Variants in TIAM1 observed in about 807,000 individuals in gnomAD.
The protein encoded by TIAM1 is TIAM Rac1 associated GEF 1.
Under a neutral mutation model 163.5 loss-of-function variants are expected in TIAM1, and 65 were observed. The ratio of observed to expected loss-of-function variants is 0.40; its 90% CI spans 0.33 to 0.49. The LOEUF is 0.49. Among genes scored for constraint, TIAM1 ranks in the 20% least tolerant of loss-of-function variants. TIAM1 has a pLI of 0.77. For missense variants in TIAM1, 1,789 were observed against 2,044.7 expected (o/e 0.87, Z 2.41); for synonymous variants, 833 against 810.1 (o/e 1.03, Z -0.48).
intron 15 of TIAM1, among the ~76,000 whole-genome samples, chr21:31,180,521 C>CTTTTCT (rs201566274): frequency 0.14 from 20,598 of 146,998 alleles, 1,633 homozygotes; most frequent in Admixed American, 0.23. Flanking sequence ...TTACCCACCT[C>CTTTTCT]TTTTTTTTTT....
At chr21:31,468,419 G>A (rs1379266781) in intron 1 of TIAM1, among the ~76,000 whole-genome samples, 1 of 151,306 alleles carries the variant, frequency 6.6e-6, no homozygotes, top group Non-Finnish European at 1.5e-5. Flanking sequence ...CAAGGTGGAG[G>A]TTTCAGTGAG....
At chr21:31,348,658 A>G (rs2833386), upstream of TIAM1, among the ~76,000 whole-genome samples, 22,815 of 152,214 alleles carry the variant, frequency 0.15, 1,773 homozygotes, top group Middle Eastern at 0.19. Flanking sequence ...ATATGGATCC[A>G]TCCCACACAC....
chr21:31,322,365 T>C (rs571668969), intron 2 of TIAM1, among the ~76,000 whole-genome samples: 2 of 150,534 alleles, frequency 1.3e-5, no homozygotes, highest in Admixed American at 1.3e-4. Flanking sequence ...CTAGCTCGTA[T>C]TCACAAAGGT....
intron 1 of TIAM1, among the ~76,000 whole-genome samples, chr21:31,499,409 A>C (rs1163116026): frequency 6.6e-6 from 1 of 151,848 alleles, no homozygotes; most frequent in African/African-American, 2.4e-5. Flanking sequence ...AAAATACCAA[A>C]AATTAGCCAG....
rs147275118 is a variant in TIAM1 at position 31,300,385 on chromosome 21, C to CA, written c.-188-23478dup. On this transcript the variant is annotated intron_variant, in intron 2 of 27. Coordinates refer to ENST00000541036, the MANE Select transcript of TIAM1 (RefSeq NM_001353694.2). ...ATGAGCCATAATAACTGGAATTTTT[C>CA]AAAAAAAATAAACAAGTATGGGAAA... Among the ~76,000 whole-genome samples, 1,086 of 151,702 alleles carry CA rather than the reference C, an allele frequency of 7.2e-3. 10 individuals are homozygous for CA. Among genetic ancestry groups the CA allele is most frequent in the African/African-American group, 0.024 (995 of 41,402 alleles).
At chr21:31,500,808 G>C (rs887616198) in intron 1 of TIAM1, among the ~76,000 whole-genome samples, 5 of 152,132 alleles carry the variant, frequency 3.3e-5, no homozygotes, top group African/African-American at 1.2e-4. Context: ...AACCTACCTG[G>C]CCGACATCTT....
intron 23 of TIAM1, among the ~76,000 whole-genome samples, chr21:31,131,218 G>C (rs1246912381): frequency 1.3e-5 from 2 of 152,132 alleles, no homozygotes; most frequent in Non-Finnish European, 2.9e-5. Flanking sequence ...AAATATGTTA[G>C]GTATGATACA....
At chr21:31,391,816 A>C (rs1048222764) in intron 2 of TIAM1, among the ~76,000 whole-genome samples, 3 of 152,198 alleles carry the variant, frequency 2.0e-5, no homozygotes, top group Non-Finnish European at 2.9e-5. Flanking sequence ...AACTTTTTTT[A>C]AAATTAAAAG....
chr21:31,433,613 GGATT>G (rs2044114745), intron 2 of TIAM1, among the ~76,000 whole-genome samples: 1 of 152,136 alleles, frequency 6.6e-6, no homozygotes, highest in Non-Finnish European at 1.5e-5. Context: ...ATTAAAAAAA[GGATT>G]GATCCCTTGG....
chr21:31,167,836 G>A (rs1235984596), intron 15 of TIAM1, among the ~76,000 whole-genome samples: 2 of 152,064 alleles, frequency 1.3e-5, no homozygotes, highest in African/African-American at 2.4e-5. Flanking sequence ...TGGAGCCTTC[G>A]GTTTTAACTG....
intron 2 of TIAM1, among the ~76,000 whole-genome samples, chr21:31,389,243 G>A (rs141433459): frequency 3.3e-4 from 50 of 151,756 alleles, no homozygotes; most frequent in African/African-American, 1.2e-3. Flanking sequence ...TGAGATGGAG[G>A]CTCTCTGTGT....
chr21:31,548,361 G>A (rs1245899494), intron 1 of TIAM1, among the ~76,000 whole-genome samples: 3 of 151,918 alleles, frequency 2.0e-5, no homozygotes, highest in South Asian at 4.2e-4. Context: ...GGCTGGTCTC[G>A]AACTCCTGAC....
chr21:31,268,926 A>G (rs1480066139), intron 3 of TIAM1, among the ~76,000 whole-genome samples: 1 of 152,208 alleles, frequency 6.6e-6, no homozygotes, highest in African/African-American at 2.4e-5. Context: ...TGTTTTGCCA[A>G]TAAATAAAGA....
At chr21:31,344,031 G>A (rs2076096149) in intron 1 of TIAM1, 107 bp downstream of exon 1, 1 of 152,152 alleles carries the variant, frequency 6.6e-6, no homozygotes, top group Non-Finnish European at 1.5e-5. Flanking sequence ...GCTCAGCTCG[G>A]GGCTCTCACC....
intron 2 of TIAM1, among the ~76,000 whole-genome samples, chr21:31,373,271 C>G (rs2076629315): frequency 6.6e-6 from 1 of 152,114 alleles, no homozygotes; most frequent in Non-Finnish European, 1.5e-5. Context: ...GCTTGGGATA[C>G]AGGATGAGAC....
chr21:31,350,354 G>C (rs929594690), intron 2 of TIAM1, among the ~76,000 whole-genome samples: 1 of 152,050 alleles, frequency 6.6e-6, no homozygotes, highest in Admixed American at 6.5e-5. Context: ...AAAATTTTGG[G>C]GGGCCAAAAC....
At chr21:31,455,055 T>C (rs1391015479) in intron 2 of TIAM1, among the ~76,000 whole-genome samples, 7 of 151,542 alleles carry the variant, frequency 4.6e-5, no homozygotes, top group African/African-American at 1.7e-4. Context: ...CTGAGAGGGG[T>C]AGATCACCTG....
intron 15 of TIAM1, among the ~76,000 whole-genome samples, chr21:31,176,706 T>C (rs1050729905): frequency 5.9e-5 from 9 of 151,994 alleles, no homozygotes; most frequent in Non-Finnish European, 1.2e-4. Flanking sequence ...CAAGAAACTA[T>C]AGAAGGTTTG....
At chr21:31,167,675 G>C (rs968135737) in intron 15 of TIAM1, among the ~76,000 whole-genome samples, 3 of 152,014 alleles carry the variant, frequency 2.0e-5, no homozygotes, top group Non-Finnish European at 4.4e-5. Flanking sequence ...AATTCTTTTG[G>C]GACAGAATTG....
Sources: gnomAD v4.1 joint callset for allele counts (sites outside exome capture counted in the v4.1 genomes callset) on GRCh38, gnomAD v4.1.1 for gene constraint, MANE v1.5 for transcripts, NCBI Gene and HGNC (gene_info 2026-07-23, HGNC 2026-07-21) for gene names.